SRRM4: variants seen among roughly 807,000 people sequenced by gnomAD.
The protein encoded by SRRM4 is serine/arginine repetitive matrix 4.
A neutral mutation model predicts 68.9 loss-of-function variants in SRRM4; 33 were observed. The observed-to-expected ratio is 0.48, with a 90% CI of 0.36 to 0.64. The LOEUF (loss-of-function observed/expected upper bound fraction) is 0.64, where lower values mean the gene tolerates loss of function less well. Among genes scored for constraint, SRRM4 ranks in the 30% least tolerant of loss-of-function variants. SRRM4 has a pLI of 0.00. For missense variants in SRRM4, 817 were observed against 827.1 expected (o/e 0.99, Z 0.15); for synonymous variants, 318 against 318.8 (o/e 1.00, Z 0.03).
chr12:119,010,535 C>A (rs1953442764), intron 1 of SRRM4, among the ~76,000 whole-genome samples: 1 of 152,216 alleles, frequency 6.6e-6, no homozygotes, highest in Admixed American at 6.5e-5. Flanking sequence ...AAACTAAAAA[C>A]AGTGTGGTAA....
rs571204689 is a variant in SRRM4 at position 118,990,155 on chromosome 12, A to G, written c.131+8142A>G. ...AGAAAACAGAGGCTCTGAGAATAGA[A>G]ATGATCTGCTCACAGACACATGGCT... On this transcript the variant is annotated intron_variant, in intron 1 of 12. Transcript: ENST00000267260. Among the ~76,000 whole-genome samples, 12 of 152,328 alleles carry G rather than the reference A, an allele frequency of 7.9e-5. 1 individual carries two copies. Among genetic ancestry groups the G allele is most frequent in the African/African-American group, 2.9e-4 (12 of 41,584 alleles).
chr12:119,116,636 G>C (rs1954181742), intron 3 of SRRM4, among the ~76,000 whole-genome samples: 1 of 151,854 alleles, frequency 6.6e-6, no homozygotes, highest in Non-Finnish European at 1.5e-5. Flanking sequence ...GAAAAGGGAG[G>C]GTAGCAATTG....
chr12:119,141,493 C>T (rs561963678), intron 8 of SRRM4, among the ~76,000 whole-genome samples: 295 of 152,258 alleles, frequency 1.9e-3, no homozygotes, highest in South Asian at 5.2e-3. Flanking sequence ...CAGGGGTCTC[C>T]AAGTTTCCTA....
At chr12:119,053,836 A>G (rs1953760166) in intron 1 of SRRM4, among the ~76,000 whole-genome samples, 1 of 152,152 alleles carries the variant, frequency 6.6e-6, no homozygotes, top group South Asian at 2.1e-4. Context: ...TTATCACATC[A>G]TGGAGAATGC....
At chr12:119,022,369 C>T (rs1301520445) in intron 1 of SRRM4, among the ~76,000 whole-genome samples, 1 of 152,174 alleles carries the variant, frequency 6.6e-6, no homozygotes, top group African/African-American at 2.4e-5. Context: ...TCAGTCACAA[C>T]CATGGTTATT....
At chr12:119,025,432 TTTTTTTTG>T (rs921826201) in intron 1 of SRRM4, among the ~76,000 whole-genome samples, 11 of 145,280 alleles carry the variant, frequency 7.6e-5, no homozygotes, top group African/African-American at 2.8e-4. Flanking sequence ...TATGGAGTTT[TTTTTTTTG>T]TTTGTTTGTT....
chr12:119,117,140 T>C (rs1954185810), intron 4 of SRRM4, 132 bp downstream of exon 4: 1 of 771,660 alleles, frequency 1.3e-6, no homozygotes, highest in Admixed American at 2.3e-5. Flanking sequence ...TTTTACGTAT[T>C]TGTGTCTTGT....
In SRRM4 at chr12:119,114,296, C is replaced by T. The variant is rs774145699; in HGVS notation, c.297C>T (p.Asp99=). Residue 99 remains aspartate, a synonymous_variant, in exon 3 of 13, where the codon GAC becomes GAT. Coordinates refer to ENST00000267260, the MANE Select transcript of SRRM4 (RefSeq NM_194286.4). Reference sequence around the variant, plus strand: ...CTCACAGTGCCTCTCATGACAAAGACTTGACACCACCACCTTCCTCCAGGG... The same window carrying T: ...CTCACAGTGCCTCTCATGACAAAGATTTGACACCACCACCTTCCTCCAGGG... ...TRGHSASHDK[D]LTPPPSSRGK... is the part of the protein sequence containing the mutation. The T allele has an allele frequency of 6.2e-7, 1 of 1,612,554 alleles. No individual in the cohort carries two copies.
At chr12:119,107,476 A>C (rs954238587) in intron 2 of SRRM4, among the ~76,000 whole-genome samples, 2 of 152,174 alleles carry the variant, frequency 1.3e-5, no homozygotes, top group African/African-American at 4.8e-5. Context: ...CTAGGTTATT[A>C]ATTATTGCCT....
chr12:119,079,632 C>A (rs944023396), intron 1 of SRRM4, among the ~76,000 whole-genome samples: 1 of 152,142 alleles, frequency 6.6e-6, no homozygotes, highest in Non-Finnish European at 1.5e-5. Context: ...GCCCTGTGGT[C>A]GCACACTTTG....
intron 1 of SRRM4, among the ~76,000 whole-genome samples, chr12:119,064,387 A>C (rs1054903753): frequency 6.6e-6 from 1 of 152,248 alleles, no homozygotes; most frequent in African/African-American, 2.4e-5. Flanking sequence ...GATTGTCATT[A>C]ATAATTTACA....
chr12:119,030,551 C>T (rs1181928524), intron 1 of SRRM4, among the ~76,000 whole-genome samples: 1 of 152,070 alleles, frequency 6.6e-6, no homozygotes, highest in Non-Finnish European at 1.5e-5. Context: ...ATAAAAATCA[C>T]CCCAAATTCT....
intron 2 of SRRM4, among the ~76,000 whole-genome samples, chr12:119,108,573 C>T (rs1038856389): frequency 2.6e-5 from 4 of 152,074 alleles, no homozygotes; most frequent in Non-Finnish European, 5.9e-5. Context: ...AATGTAATGG[C>T]CTTCTTTGTC....
intron 1 of SRRM4, among the ~76,000 whole-genome samples, chr12:119,010,706 G>A (rs949088338): frequency 2.2e-4 from 34 of 152,262 alleles, no homozygotes; most frequent in Non-Finnish European, 2.2e-4. Context: ...CAACACTAAA[G>A]GAAAAAGGAG....
chr12:119,152,075 G>A (rs901034372), intron 10 of SRRM4, among the ~76,000 whole-genome samples: 6 of 152,136 alleles, frequency 3.9e-5, no homozygotes, highest in Non-Finnish European at 7.3e-5. Context: ...TAATAATGTA[G>A]CAGAATGAGA....
intron 1 of SRRM4, among the ~76,000 whole-genome samples, chr12:119,061,620 C>T (rs1953812733): frequency 6.6e-6 from 1 of 152,118 alleles, no homozygotes; most frequent in Admixed American, 6.5e-5. Context: ...TTACTTATTT[C>T]CAAACAATCT....
At chr12:119,146,960 G>C (rs1278788291) in intron 9 of SRRM4, among the ~76,000 whole-genome samples, 1 of 151,836 alleles carries the variant, frequency 6.6e-6, no homozygotes, top group East Asian at 1.9e-4. Flanking sequence ...ACATATCACA[G>C]TATTTACCCA....
intron 1 of SRRM4, among the ~76,000 whole-genome samples, chr12:118,988,839 G>C (rs1953298902): frequency 6.6e-6 from 1 of 152,194 alleles, no homozygotes; most frequent in Non-Finnish European, 1.5e-5. Flanking sequence ...GAAAGGAATA[G>C]AGGGTGAGGG....
chr12:118,989,161 C>T (rs375710312), intron 1 of SRRM4, among the ~76,000 whole-genome samples: 1 of 148,582 alleles, frequency 6.7e-6, no homozygotes, highest in Admixed American at 6.8e-5. Flanking sequence ...AGGGTTCTTG[C>T]CTTCTCAAGC....
Sources: allele counts gnomAD v4.1 joint callset (sites outside exome capture counted in the v4.1 genomes callset), GRCh38; gene constraint gnomAD v4.1.1; transcripts MANE v1.5; gene names NCBI Gene and HGNC (gene_info 2026-07-23, HGNC 2026-07-21).